GNA13: variants seen among roughly 807,000 people sequenced by gnomAD.
GNA13 encodes the protein G protein subunit alpha 13, also known as guanine nucleotide-binding protein subunit alpha-13.
In GNA13, 4 loss-of-function variants were observed where a neutral mutation model predicts 33.5. The observed-to-expected ratio is 0.12, with a 90% CI of 0.06 to 0.27. GNA13 has a LOEUF of 0.27. Among genes scored for constraint, GNA13 ranks in the 10% least tolerant of loss-of-function variants. The pLI is 1.00. For synonymous variants in GNA13, 176 were observed against 183.8 expected, an observed-to-expected ratio of 0.96 and a Z score of 0.34; for missense variants, 319 against 487.2, an observed-to-expected ratio of 0.65 and a Z score of 3.25.
chr17:65,040,724 CT>C (rs1454852377), intron 2 of GNA13, among the ~76,000 whole-genome samples: 2 of 152,168 alleles, frequency 1.3e-5, no homozygotes, highest in Non-Finnish European at 2.9e-5. Flanking sequence ...CTTTCCTGAC[CT>C]TGTGATCTGC....
At chr17:65,037,116 A>C (rs1907276058) in intron 2 of GNA13, among the ~76,000 whole-genome samples, 1 of 152,258 alleles carries the variant, frequency 6.6e-6, no homozygotes. Context: ...AAAATAATCA[A>C]GAATAAAGTG....
At chr17:65,036,438 G>A (rs1251580371) in intron 2 of GNA13, among the ~76,000 whole-genome samples, 1 of 152,196 alleles carries the variant, frequency 6.6e-6, no homozygotes, top group East Asian at 1.9e-4. Context: ...AGGCACGGTG[G>A]CTCACGCCTG....
intron 2 of GNA13, among the ~76,000 whole-genome samples, chr17:65,037,792 A>AAAAAAAAAAAAAAAAAAAAAAAAAC (rs1907308074): frequency 1.3e-5 from 2 of 149,824 alleles, no homozygotes; most frequent in Non-Finnish European, 3.0e-5. Context: ...AAAAAAAAAA[A>AAAAAAAAAAAAAAAAAAAAAAAAAC]AAAAAAAAGA....
At position 65,012,450 on chromosome 17, in the gene GNA13, CATGA is replaced by C. The variant is rs1906226136; in HGVS notation, c.*1803_*1806del. 4.5e-6 allele frequency: 1 copy of C among 220,932 alleles called. No individual in the cohort carries two copies. Among genetic ancestry groups the C allele is most frequent in the Non-Finnish European group, 9.1e-6 (1 of 110,372 alleles). 13.7% of individuals were successfully genotyped at this position (220,932 alleles called of 1,614,324 possible). On this transcript the variant is annotated 3_prime_UTR_variant, in exon 4 of 4. Transcript: ENST00000439174. The stretch of plus-strand genomic sequence containing the variant: ...CTAGATGTAGAACTATTCAAACACG[CATGA>C]ATGATACCATGATACCACGAACATG...
At chr17:65,055,741 T>C (rs892011786) in intron 1 of GNA13, 4 of 985,346 alleles carry the variant, frequency 4.1e-6, no homozygotes, top group Admixed American at 6.1e-5. Flanking sequence ...CCTACGCCCT[T>C]GACAAGAAGT....
chr17:65,044,637 T>TAA (rs897842429), intron 2 of GNA13, among the ~76,000 whole-genome samples: 2 of 142,088 alleles, frequency 1.4e-5, no homozygotes, highest in African/African-American at 2.6e-5. Context: ...CCCCATCTCT[T>TAA]AAAAAAAAGG....
At chr17:65,034,012 CAAAAAA>C (rs780895691) in intron 2 of GNA13, among the ~76,000 whole-genome samples, 7 of 50,090 alleles carry the variant, frequency 1.4e-4, no homozygotes, top group Non-Finnish European at 2.2e-4. Context: ...GACTCCGTCT[CAAAAAA>C]AAAAAAAAAA....
At chr17:65,032,968 G>T (rs550334270) in intron 2 of GNA13, among the ~76,000 whole-genome samples, 1 of 152,038 alleles carries the variant, frequency 6.6e-6, no homozygotes, top group Non-Finnish European at 1.5e-5. Context: ...AAAATTAGCC[G>T]GGCGTGGTGG....
At chr17:65,022,306 ACT>A (rs773482716) in intron 2 of GNA13, among the ~76,000 whole-genome samples, 17 of 151,616 alleles carry the variant, frequency 1.1e-4, no homozygotes, top group Non-Finnish European at 2.5e-4. Flanking sequence ...CACTCTCATG[ACT>A]CTGCACCACT....
At chr17:65,054,985 A>G (rs1053423770) in intron 1 of GNA13, among the ~76,000 whole-genome samples, 1 of 133,252 alleles carries the variant, frequency 7.5e-6, no homozygotes, top group African/African-American at 2.9e-5. Context: ...ATTCTCTCTA[A>G]TTCATTACTC....
intron 3 of GNA13, among the ~76,000 whole-genome samples, chr17:65,016,518 G>A (rs373222531): frequency 3.3e-5 from 5 of 152,072 alleles, no homozygotes; most frequent in South Asian, 2.1e-4. Context: ...GCACCACCAC[G>A]GCCGGCTACT....
intron 1 of GNA13, 68 bp downstream of exon 1, chr17:65,056,243 C>A (rs7216195): frequency 3.6e-6 from 3 of 824,174 alleles, no homozygotes; most frequent in African/African-American, 1.8e-5. Context: ...GGCGGTGCCC[C>A]GCCCCGCACC....
chr17:65,037,780 A>AAAAAG (rs1907306544), intron 2 of GNA13, among the ~76,000 whole-genome samples: 2 of 147,512 alleles, frequency 1.4e-5, no homozygotes, highest in Non-Finnish European at 3.0e-5. Context: ...CAAAAATGGA[A>AAAAAG]AAAAAAAAAA....
chr17:65,034,880 G>A (rs1424870466), intron 2 of GNA13, among the ~76,000 whole-genome samples: 2 of 152,056 alleles, frequency 1.3e-5, no homozygotes, highest in Non-Finnish European at 2.9e-5. Flanking sequence ...CCGCCTCCCT[G>A]GTTCAAGCGA....
In GNA13 at chr17:65,056,326, T is replaced by A. The variant is rs768761767; in HGVS notation, c.268A>T (p.Ser90Cys). 7.0e-7 allele frequency: 1 copy of A among 1,423,800 alleles called. No individual in the cohort carries two copies. The highest frequency in any genetic ancestry group is 9.4e-7 in the Non-Finnish European group (1 of 1,064,216). The allele number at this position is 1,423,800 out of a possible 1,614,324, so 88.2% of individuals were successfully genotyped here. A position where few individuals can be genotyped will look rare whatever the true frequency, so the allele number is the denominator to read the frequency against. ...AREEFRPTIY[S>C]NVIKGMRVLV... ...GGCCCGGCACCTTTGATCACGTTGC[T>A]GTAGATGGTGGGGCGGAACTCCTCG... The change falls in exon 1 of 4, where the codon AGC (serine) becomes TGC (cysteine). Residue 90 changes from serine to cysteine, a missense_variant. Physicochemically the swap from Ser to Cys is moderately radical, Grantham distance 112 (BLOSUM62 -1). Transcript: ENST00000439174.
chr17:65,047,689 G>A (rs1057462079), intron 2 of GNA13, among the ~76,000 whole-genome samples: 1 of 149,892 alleles, frequency 6.7e-6, no homozygotes, highest in Non-Finnish European at 1.5e-5. Context: ...GGAGGGGGCT[G>A]TCCTCACTAT....
intron 2 of GNA13, among the ~76,000 whole-genome samples, chr17:65,031,866 TAGAGAGAGAGAGAGAG>T (rs138789425): frequency 9.4e-6 from 1 of 106,358 alleles, no homozygotes; most frequent in African/African-American, 4.0e-5. Context: ...CCGGACAACA[TAGAGAGAGAGAGAGAG>T]AGAGAGAGAG....
intron 2 of GNA13, among the ~76,000 whole-genome samples, chr17:65,024,729 C>T (rs1277987881): frequency 1.3e-5 from 2 of 152,156 alleles, no homozygotes; most frequent in East Asian, 3.8e-4. Flanking sequence ...TGTAGCCAGC[C>T]CTCGCATTAC....
At position 65,044,079 on chromosome 17, in the gene GNA13, C is replaced by T. The variant is rs528983668; in HGVS notation, c.510+9423G>A. Among the ~76,000 whole-genome samples, 32 of 152,284 alleles carry T rather than the reference C, an allele frequency of 2.1e-4. No individual in the cohort carries two copies. The South Asian group carries it at 3.1e-3, about 15-fold the overall frequency. ...CAAGGCTACATACAGTAAGCCATGA[C>T]TGTGCCACTGCACATTGGCCTCGGG... On this transcript the variant is annotated intron_variant, in intron 2 of 3. Coordinates refer to ENST00000439174, the MANE Select transcript of GNA13 (RefSeq NM_006572.6).
Sources: allele counts gnomAD v4.1 joint callset (sites outside exome capture counted in the v4.1 genomes callset), GRCh38; gene constraint gnomAD v4.1.1; transcripts MANE v1.5; gene names NCBI Gene and HGNC (gene_info 2026-07-23, HGNC 2026-07-21).